The following HDX variants were observed in gnomAD, a reference collection of about 807,000 sequenced individuals.
The protein encoded by HDX is chromosome X open reading frame 43.
Under a neutral mutation model 45.2 loss-of-function variants are expected in HDX, and 19 were observed. The observed-to-expected ratio is 0.42, with a 90% CI of 0.29 to 0.62. The LOEUF (loss-of-function observed/expected upper bound fraction) is 0.62, where lower values mean the gene tolerates loss of function less well. Ranked by LOEUF, HDX falls within the 20% of genes least tolerant of loss-of-function variation. The pLI, the probability that HDX is intolerant of heterozygous loss-of-function variation, is 0.20. For missense variants in HDX, 532 were observed against 493.9 expected (o/e 1.08, Z -0.73); for synonymous variants, 188 against 172.8 (o/e 1.09, Z -0.69).
Position 84,468,725 on chromosome X carries a change from A to T in HDX, c.998T>A (p.Leu333His). The T allele has an allele frequency of 2.5e-6, 3 of 1,211,658 alleles. No homozygotes were observed. The highest frequency in any genetic ancestry group is 3.4e-6 in the Non-Finnish European group (3 of 895,441). Residue 333 changes from leucine to histidine, a missense_variant, in exon 4 of 11, where the codon CTT becomes CAT. This residue lies in a region of HDX where 376 missense variants were observed against 343.7 expected (regional missense o/e 1.09). Coordinates refer to ENST00000373177, the MANE Select transcript of HDX (RefSeq NM_001177479.2). ...YSRFYESGSS[L>H]RAENQSTTLP... The stretch of plus-strand genomic sequence containing the variant: ...GGTTGTACTTTGGTTCTCAGCTCGA[A>T]GGGAACTGCCACTTTCATAAAATCT...
intron 1 of HDX, among the ~76,000 whole-genome samples, chrX:84,495,252 G>A (rs1177622426): frequency 9.0e-6 from 1 of 111,459 alleles, no homozygotes; most frequent in East Asian, 2.8e-4. Flanking sequence ...TAGTTAGACA[G>A]GAAGAATAAG....
chrX:84,443,338 T>A lies in HDX; in HGVS notation c.1252-2753A>T, dbSNP rs149233263. 2.3e-3 allele frequency among the ~76,000 whole-genome samples: 258 copies of A among 111,569 alleles called. 1 individual carries two copies. The highest frequency in any genetic ancestry group is 7.2e-3 in the African/African-American group (222 of 30,905). ...AAATGCAATATTCAGATTAGACGGGTAATACACATCTCACTTAAATGATAT... is the reference window on the plus strand; with the variant it reads ...AAATGCAATATTCAGATTAGACGGGAAATACACATCTCACTTAAATGATAT... On this transcript the variant is annotated intron_variant, in intron 4 of 10. Coordinates refer to ENST00000373177, the MANE Select transcript of HDX (RefSeq NM_001177479.2).
At chrX:84,457,425 T>C (rs1033846700) in intron 4 of HDX, among the ~76,000 whole-genome samples, 23 of 111,985 alleles carry the variant, frequency 2.1e-4, no homozygotes, top group Non-Finnish European at 4.0e-4. Flanking sequence ...ATGTTTATAA[T>C]ACTGGTGCAA....
intron 5 of HDX, among the ~76,000 whole-genome samples, chrX:84,410,062 T>A (rs867366788): frequency 1.9e-4 from 14 of 74,557 alleles, no homozygotes; most frequent in Non-Finnish European, 2.2e-4. Flanking sequence ...CAAAAAAGAT[T>A]AAAAAAAAAA....
intron 4 of HDX, among the ~76,000 whole-genome samples, chrX:84,465,845 G>T (rs1426247914): frequency 9.0e-6 from 1 of 111,582 alleles, no homozygotes; most frequent in East Asian, 2.8e-4. Flanking sequence ...TTGACAAAAT[G>T]ACCACAGATT....
intron 5 of HDX, among the ~76,000 whole-genome samples, chrX:84,431,485 C>T (rs2039504206): frequency 1.8e-5 from 2 of 111,138 alleles, no homozygotes; most frequent in Non-Finnish European, 3.8e-5. Context: ...ATAAGTGTTC[C>T]CTTTTCTACA....
intron 5 of HDX, among the ~76,000 whole-genome samples, chrX:84,396,784 G>T (rs2038576750): frequency 9.0e-6 from 1 of 111,064 alleles, no homozygotes; most frequent in Admixed American, 9.6e-5. Context: ...CCTGGGAGGA[G>T]TGCTCAAGGA....
At chrX:84,330,118 T>C (rs972286521) in intron 9 of HDX, among the ~76,000 whole-genome samples, 8 of 111,583 alleles carry the variant, frequency 7.2e-5, no homozygotes, top group African/African-American at 2.6e-4. Context: ...TTGATTTAAT[T>C]AATCCACTTG....
At chrX:84,454,483 A>G (rs1569352384) in intron 4 of HDX, among the ~76,000 whole-genome samples, 1 of 111,056 alleles carries the variant, frequency 9.0e-6, no homozygotes, top group Admixed American at 9.5e-5. Flanking sequence ...GAGGTGAGAC[A>G]CCTCTGCATG....
At chrX:84,495,134 TAA>T (rs771000223) in intron 1 of HDX, among the ~76,000 whole-genome samples, 3 of 99,969 alleles carry the variant, frequency 3.0e-5, no homozygotes, top group Non-Finnish European at 4.1e-5. Context: ...ATGTGGAATC[TAA>T]AAAAAAAAAA....
At chrX:84,329,764 T>C (rs1474399876) in intron 9 of HDX, among the ~76,000 whole-genome samples, 1 of 111,884 alleles carries the variant, frequency 8.9e-6, no homozygotes, top group Admixed American at 9.5e-5. Flanking sequence ...AACTGACACT[T>C]TGTATCCTCT....
intron 6 of HDX, among the ~76,000 whole-genome samples, chrX:84,358,491 C>T (rs1376393008): frequency 9.0e-6 from 1 of 111,482 alleles, no homozygotes; most frequent in East Asian, 2.8e-4. Flanking sequence ...TGTGTCATCC[C>T]TCTTGCTAGA....
Position 84,361,522 on chromosome X carries a change from T to C in HDX, c.1396A>G (p.Arg466Gly), listed in dbSNP as rs2037622503. The C allele has an allele frequency of 2.5e-6, 3 of 1,205,360 alleles. No homozygotes were observed. Among genetic ancestry groups the C allele is most frequent in the Admixed American group, 2.2e-5 (1 of 45,521 alleles). The change falls in exon 6 of 11, where the codon AGA (arginine) becomes GGA (glycine). Residue 466 changes from arginine to glycine, a missense_variant. Arg to Gly is a moderately radical substitution (Grantham distance 125, BLOSUM62 -2). Coordinates refer to ENST00000373177, the MANE Select transcript of HDX (RefSeq NM_001177479.2). Reference protein sequence around the residue: ...NGMTSLGSVCREKIEAVATEL... With the variant: ...NGMTSLGSVCGEKIEAVATEL... ...GTTGCCACAGCTTCAATTTTCTCTCTACAAACAGAGCCCAGGCTGGTCATG... is the reference window on the plus strand; with the variant it reads ...GTTGCCACAGCTTCAATTTTCTCTCCACAAACAGAGCCCAGGCTGGTCATG...
chrX:84,380,816 A>T (rs1283528078), intron 5 of HDX, among the ~76,000 whole-genome samples: 1 of 110,979 alleles, frequency 9.0e-6, no homozygotes. Flanking sequence ...TGAAAACAAC[A>T]AGGAGGCCCA....
At chrX:84,425,255 T>C (rs1383782253) in intron 5 of HDX, among the ~76,000 whole-genome samples, 2 of 111,906 alleles carry the variant, frequency 1.8e-5, no homozygotes, top group Non-Finnish European at 3.8e-5. Flanking sequence ...CAAATCAAAA[T>C]TACAATAAGA....
At chrX:84,485,236 T>C in intron 2 of HDX, among the ~76,000 whole-genome samples, 1 of 112,052 alleles carries the variant, frequency 8.9e-6, no homozygotes, top group Non-Finnish European at 1.9e-5. Flanking sequence ...TGGTCATTTC[T>C]AAAAATGTCA....
intron 5 of HDX, among the ~76,000 whole-genome samples, chrX:84,367,101 C>A (rs760294801): frequency 1.8e-5 from 2 of 111,829 alleles, no homozygotes; most frequent in African/African-American, 6.5e-5. Flanking sequence ...ATCTGCCCAG[C>A]TGACAAAGGG....
intron 5 of HDX, among the ~76,000 whole-genome samples, chrX:84,418,983 G>A (rs536236346): frequency 8.1e-5 from 9 of 111,789 alleles, no homozygotes; most frequent in African/African-American, 2.9e-4. Context: ...AGAGTCATGA[G>A]GCCCTGTTCC....
intron 4 of HDX, among the ~76,000 whole-genome samples, chrX:84,445,748 G>C (rs1195360393): frequency 9.0e-6 from 1 of 111,338 alleles, no homozygotes; most frequent in Non-Finnish European, 1.9e-5. Context: ...TCAGAAATTA[G>C]AATGCCTTTA....
Sources: gnomAD v4.1 joint callset for allele counts (sites outside exome capture counted in the v4.1 genomes callset) on GRCh38, gnomAD v4.1.1 for gene constraint, gnomAD v4.1.1 regional missense constraint, MANE v1.5 for transcripts, NCBI Gene and HGNC (gene_info 2026-07-23, HGNC 2026-07-21) for gene names.